The following CADM2 variants were observed in gnomAD, a reference collection of about 807,000 sequenced individuals.
CADM2 encodes the protein immunoglobulin superfamily member 4D.
In CADM2, 12 loss-of-function variants were observed where a neutral mutation model predicts 49.8. That is an observed-to-expected ratio of 0.24 (90% CI 0.15 to 0.39). The LOEUF is 0.39. CADM2 is among the 10% of genes least tolerant of loss of function. The pLI, the probability that CADM2 is intolerant of heterozygous loss-of-function variation, is 1.00. For synonymous variants in CADM2, 214 were observed against 175.4 expected, an observed-to-expected ratio of 1.22 and a Z score of -1.74; for missense variants, 378 against 492.3, an observed-to-expected ratio of 0.77 and a Z score of 2.20.
intron 1 of CADM2, among the ~76,000 whole-genome samples, chr3:85,319,304 G>A (rs2044543363): frequency 6.6e-6 from 1 of 152,136 alleles, no homozygotes; most frequent in Admixed American, 6.6e-5. Flanking sequence ...ACAGATGCTA[G>A]CAAGATTGCC....
At chr3:85,458,383 T>C (rs1053796677) in intron 1 of CADM2, among the ~76,000 whole-genome samples, 4 of 152,200 alleles carry the variant, frequency 2.6e-5, no homozygotes, top group African/African-American at 9.6e-5. Context: ...AAAGTTCTGG[T>C]GTAAAAACAA....
intron 1 of CADM2, among the ~76,000 whole-genome samples, chr3:85,275,764 CTATATA>C (rs942707956): frequency 1.3e-5 from 2 of 150,900 alleles, no homozygotes; most frequent in Non-Finnish European, 3.0e-5. Context: ...TTGAAACCAA[CTATATA>C]TATAAAATAA....
chr3:85,480,055 A>G (rs1234178410), intron 1 of CADM2, among the ~76,000 whole-genome samples: 1 of 151,712 alleles, frequency 6.6e-6, no homozygotes, highest in African/African-American at 2.4e-5. Context: ...CTTCTAATTG[A>G]AGGTTATGGC....
At chr3:85,349,462 G>A (rs2031112694) in intron 1 of CADM2, among the ~76,000 whole-genome samples, 1 of 151,990 alleles carries the variant, frequency 6.6e-6, no homozygotes. Context: ...TTTTTGTTTT[G>A]TTTTGTTTTA....
rs540117072 is a variant in CADM2, at chr3:85,345,643, C to T, written c.62-380879C>T. On this transcript the variant is annotated intron_variant, in intron 1 of 9. Transcript: ENST00000383699. The stretch of plus-strand genomic sequence containing the variant: ...CAGTGCCATGAAAGGCAAGGAAAAA[C>T]TGATGAGCTGTTTGGGATTGAAGGA... Among the ~76,000 whole-genome samples the T allele has an allele frequency of 4.9e-4, 74 of 152,270 alleles. 1 individual carries two copies. The highest frequency in any genetic ancestry group is 9.4e-4 in the Non-Finnish European group (64 of 68,018).
chr3:85,135,723 G>C (rs1318626466), intron 1 of CADM2, among the ~76,000 whole-genome samples: 4 of 151,980 alleles, frequency 2.6e-5, no homozygotes, highest in Non-Finnish European at 5.9e-5. Flanking sequence ...TTCAAATATT[G>C]CTGTAGAAGC....
chr3:85,733,531 T>C (rs541691337), intron 2 of CADM2, among the ~76,000 whole-genome samples: 1 of 152,256 alleles, frequency 6.6e-6, no homozygotes, highest in South Asian at 2.1e-4. Flanking sequence ...GTGTTATATA[T>C]TCCATTTGCA....
intron 1 of CADM2, among the ~76,000 whole-genome samples, chr3:85,225,369 A>G (rs774830569): frequency 1.4e-4 from 21 of 152,314 alleles, no homozygotes; most frequent in Non-Finnish European, 2.8e-4. Flanking sequence ...AGCAATTGTG[A>G]ATGGGAGTTC....
chr3:86,014,715 A>G, intron 8 of CADM2: 1 of 1,520,648 alleles, frequency 6.6e-7, no homozygotes. Flanking sequence ...CCATGCTGAC[A>G]TGTGTAGAAG....
intron 1 of CADM2, among the ~76,000 whole-genome samples, chr3:85,157,113 C>T (rs1204843778): frequency 6.6e-6 from 1 of 152,236 alleles, no homozygotes; most frequent in Non-Finnish European, 1.5e-5. Flanking sequence ...AATAAAATAT[C>T]TAGGAATCCA....
At chr3:85,209,665 T>TA (rs1029762081) in intron 1 of CADM2, among the ~76,000 whole-genome samples, 66 of 148,840 alleles carry the variant, frequency 4.4e-4, no homozygotes, top group African/African-American at 8.1e-4. Context: ...TCAGGCATCT[T>TA]AAAAAAAAAA....
rs896740818 is a variant in CADM2, at chr3:85,124,778, C to A, written c.61+165110C>A. Among the ~76,000 whole-genome samples the A allele has an allele frequency of 4.6e-5, 7 of 152,088 alleles. No homozygotes were observed. The East Asian group carries it at 1.2e-3, about 25-fold the overall frequency. The stretch of plus-strand genomic sequence containing the variant: ...TTAGCCAAAATTCAGCAACATCATC[C>A]AACCCAAAGCTTATATTACAATAAA... On this transcript the variant is annotated intron_variant, in intron 1 of 9. Coordinates refer to ENST00000383699, the MANE Select transcript of CADM2 (RefSeq NM_001167675.2).
chr3:85,984,835 A>C (rs991518187), intron 8 of CADM2, among the ~76,000 whole-genome samples: 2 of 152,002 alleles, frequency 1.3e-5, no homozygotes, highest in Admixed American at 1.3e-4. Context: ...AAATGGTAGA[A>C]TTATAATTTT....
chr3:85,076,857 A>C (rs2036964880), intron 1 of CADM2, among the ~76,000 whole-genome samples: 1 of 152,078 alleles, frequency 6.6e-6, no homozygotes, highest in Admixed American at 6.5e-5. Context: ...CTGCAATCCC[A>C]ACTACTCTGG....
intron 3 of CADM2, among the ~76,000 whole-genome samples, chr3:85,822,924 A>G (rs551075058): frequency 6.6e-6 from 1 of 152,294 alleles, no homozygotes; most frequent in African/African-American, 2.4e-5. Context: ...TAGAAACTCT[A>G]TTATTCTAAG....
At chr3:85,152,284 T>G (rs2039946572) in intron 1 of CADM2, among the ~76,000 whole-genome samples, 3 of 152,186 alleles carry the variant, frequency 2.0e-5, no homozygotes, top group Non-Finnish European at 4.4e-5. Context: ...CTGTTGACTG[T>G]GCCTCTGTAT....
At chr3:85,427,574 T>C (rs2107513097) in intron 1 of CADM2, among the ~76,000 whole-genome samples, 1 of 152,226 alleles carries the variant, frequency 6.6e-6, no homozygotes, top group Non-Finnish European at 1.5e-5. Context: ...TTCTAAAATA[T>C]GAGGAAATGA....
intron 1 of CADM2, among the ~76,000 whole-genome samples, chr3:85,584,109 G>T (rs1190935046): frequency 1.3e-5 from 2 of 151,904 alleles, no homozygotes; most frequent in African/African-American, 2.4e-5. Flanking sequence ...ACTATTTTTG[G>T]TTAGTGTAAA....
At chr3:85,941,989 A>C (rs1268685133) in intron 7 of CADM2, among the ~76,000 whole-genome samples, 1 of 152,140 alleles carries the variant, frequency 6.6e-6, no homozygotes, top group East Asian at 1.9e-4. Context: ...GTGAAGAAAA[A>C]TAAGTCTTGT....
Sources: gnomAD v4.1 joint callset for allele counts (sites outside exome capture counted in the v4.1 genomes callset) on GRCh38, gnomAD v4.1.1 for gene constraint, MANE v1.5 for transcripts, NCBI Gene and HGNC (gene_info 2026-07-23, HGNC 2026-07-21) for gene names.